Variants in TACC3 observed in about 807,000 individuals in gnomAD.
The protein encoded by TACC3 is transforming acidic coiled-coil-containing protein 3.
TACC3 carries 52 observed loss-of-function variants against 86.0 expected under a neutral mutation model. The observed-to-expected ratio is 0.60, with a 90% CI of 0.48 to 0.76. The LOEUF is 0.76. TACC3 is among the 30% of genes least tolerant of loss of function. The pLI, the probability that TACC3 is intolerant of heterozygous loss-of-function variation, is 0.00. For missense variants in TACC3, 1,120 were observed against 1,070.4 expected (o/e 1.05, Z -0.65); for synonymous variants, 512 against 430.0 (o/e 1.19, Z -2.36).
At chr4:1,733,528 G>C (rs531589402) in intron 6 of TACC3, among the ~76,000 whole-genome samples, 1 of 151,628 alleles carries the variant, frequency 6.6e-6, no homozygotes, top group African/African-American at 2.4e-5. Flanking sequence ...GCATGGTGGC[G>C]TACACCTATA....
intron 3 of TACC3, among the ~76,000 whole-genome samples, chr4:1,724,379 C>CTTTTTTTTTTTT (rs35896374): frequency 9.2e-6 from 1 of 108,384 alleles, no homozygotes; most frequent in Admixed American, 9.6e-5. Context: ...TCATACTTCA[C>CTTTTTTTTTTTT]TTTTTTTTTT....
At chr4:1,726,705 A>G (rs1665367) in intron 3 of TACC3, among the ~76,000 whole-genome samples, 4,408 of 152,312 alleles carry the variant, frequency 0.029, 96 homozygotes, top group South Asian at 0.064. Flanking sequence ...GAGGCCACAC[A>G]GAGGACTGGG....
At chr4:1,740,550 C>G (rs561129816) in intron 12 of TACC3, 64 of 395,240 alleles carry the variant, frequency 1.6e-4, no homozygotes, top group Admixed American at 3.9e-4. Flanking sequence ...CAGGCCTCAC[C>G]CTAGGCTCTA....
At chr4:1,744,664 G>C (rs1266799686) in intron 14 of TACC3, 40 bp downstream of exon 14, 3 of 1,612,176 alleles carry the variant, frequency 1.9e-6, no homozygotes, top group Admixed American at 1.7e-5. Context: ...GGGAGAATCT[G>C]AGCACCTGGG....
chr4:1,742,395 G>A (rs571192835), intron 13 of TACC3, among the ~76,000 whole-genome samples: 3 of 152,240 alleles, frequency 2.0e-5, no homozygotes, highest in Admixed American at 1.3e-4. Context: ...GGGCAGGCCT[G>A]TGCCTCAGCT....
chr4:1,720,920 G>T, upstream of TACC3: 2 of 1,247,442 alleles, frequency 1.6e-6, no homozygotes, highest in Non-Finnish European at 2.1e-6. This position sits in a 1 kb window ranked among gnomAD's most constrained non-coding sequence, Gnocchi z 4.4. Context: ...CGGACCTGTC[G>T]GTTGCGGCGG....
At chr4:1,742,102 T>C (rs1037471588) in intron 13 of TACC3, 1 of 151,924 alleles carries the variant, frequency 6.6e-6, no homozygotes, top group Admixed American at 6.6e-5. Context: ...ATCTCTAAAA[T>C]TAAAAAACAA....
chr4:1,739,947 C>T lies in TACC3; in HGVS notation c.2019-12C>T, dbSNP rs746375264. 2 of 1,612,844 alleles carry T rather than the reference C, an allele frequency of 1.2e-6. No homozygotes were observed. The highest frequency in any genetic ancestry group is 1.1e-5 in the South Asian group (1 of 91,078). On this transcript the variant is annotated splice_polypyrimidine_tract_variant and intron_variant, in intron 11 of 15. Transcript: ENST00000313288. ...CCGAGGCAATGGCTGTGTGTCTGTT[C>T]TCCTCCCACAGGAAGATCATGGACA...
At position 1,739,710 on chromosome 4, in the gene TACC3, G is replaced by T. The variant is rs141261775; in HGVS notation, c.1950G>T (p.Ala650=). ...SQKDLDAVVK[A]TQEENRELRS... The stretch of plus-strand genomic sequence containing the variant: ...GGGTGTGGCCTGAGCAGGTAAAGGC[G>T]ACACAGGAGGAGAACCGGGAGCTGA... Residue 650 remains alanine, a synonymous_variant, in exon 11 of 16, where the codon GCG becomes GCT. Coordinates refer to ENST00000313288, the MANE Select transcript of TACC3 (RefSeq NM_006342.3). The T allele has an allele frequency of 0.013, 19,787 of 1,580,454 alleles. 214 individuals carry two copies. The highest frequency in any genetic ancestry group is 0.047 in the Admixed American group (2,568 of 54,690).
chr4:1,721,508 C>T (rs1335909926), upstream of TACC3: 1 of 152,074 alleles, frequency 6.6e-6, no homozygotes, highest in Non-Finnish European at 1.5e-5. Flanking sequence ...AACTCCGGCG[C>T]GCCGGCGGCC....
chr4:1,735,122 G>C lies in TACC3; in HGVS notation c.1592-151G>C. On this transcript the variant is annotated intron_variant, in intron 6 of 15. Coordinates refer to ENST00000313288, the MANE Select transcript of TACC3 (RefSeq NM_006342.3). This position sits in a 1 kb window ranked among gnomAD's most constrained non-coding sequence, Gnocchi z 4.2. Reference sequence around the variant, plus strand: ...GCCCAGGAGGCGCCTGCCGCAGACAGCAGTCAGGCCCCGAACATCCACACC... The same window carrying C: ...GCCCAGGAGGCGCCTGCCGCAGACACCAGTCAGGCCCCGAACATCCACACC... 1 of 1,055,438 alleles carries C rather than the reference G, an allele frequency of 9.5e-7. No individual in the cohort carries two copies. Among genetic ancestry groups the C allele is most frequent in the Non-Finnish European group, 1.4e-6 (1 of 721,868 alleles). 65.4% of individuals were successfully genotyped at this position (1,055,438 alleles called of 1,614,324 possible). A position where few individuals can be genotyped will look rare whatever the true frequency, so the allele number is the denominator to read the frequency against.
intron 8 of TACC3, among the ~76,000 whole-genome samples, chr4:1,736,917 G>C (rs1044018741): frequency 1.4e-5 from 2 of 142,538 alleles, no homozygotes; most frequent in Admixed American, 7.0e-5. Flanking sequence ...CTCGGAAAAA[G>C]AAAAAAAAAA....
chr4:1,720,782 A>G, upstream of TACC3: 1 of 1,595,358 alleles, frequency 6.3e-7, no homozygotes, highest in Non-Finnish European at 8.5e-7. This position sits in a 1 kb window ranked among gnomAD's most constrained non-coding sequence, Gnocchi z 4.4. Flanking sequence ...CGTGAACACG[A>G]AGCACACGGC....
intron 12 of TACC3, chr4:1,740,287 G>T: frequency 1.8e-6 from 1 of 547,054 alleles, no homozygotes; most frequent in South Asian, 2.2e-5. Flanking sequence ...AGTCTGTCCC[G>T]CCGTGGCCTA....
chr4:1,721,379 G>T (rs993632197), upstream of TACC3: 4 of 10,642 alleles, frequency 3.8e-4, no homozygotes, highest in Admixed American at 7.4e-4. Flanking sequence ...AGCGGGGGGT[G>T]GGGGGGGAGG....
At position 1,728,583 on chromosome 4, in the gene TACC3, C is replaced by G. The variant is rs368957323; in HGVS notation, c.1181C>G (p.Pro394Arg). Residue 394 changes from proline (P) to arginine (R), a missense_variant, in exon 4 of 16, where the codon CCC becomes CGC. Coordinates refer to ENST00000313288, the MANE Select transcript of TACC3 (RefSeq NM_006342.3). Reference protein sequence around the residue: ...DDGRSGAGEDPPMPASRGSYH... With the variant: ...DDGRSGAGEDRPMPASRGSYH... The stretch of plus-strand genomic sequence containing the variant: ...GGTAGGAGCGGAGCAGGAGAGGACC[C>G]CCCCATGCCAGCTTCTCGGGGCTCT... 1 of 1,613,886 alleles carries G rather than the reference C, an allele frequency of 6.2e-7. No individual in the cohort carries two copies. Among genetic ancestry groups the G allele is most frequent in the Non-Finnish European group, 8.5e-7 (1 of 1,179,994 alleles).
chr4:1,735,820 C>T lies in TACC3; in HGVS notation c.1734C>T (p.Ala578=), dbSNP rs1326485227. Reference sequence around the variant, plus strand: ...GTCCTGGTAGACCAGTGCCCGTGGCCACCGAGACCAGCAGGTATGTGCGCC... The same window carrying T: ...GTCCTGGTAGACCAGTGCCCGTGGCTACCGAGACCAGCAGGTATGTGCGCC... ...RDSPGRPVPV[A]TETSSMHGAN... is the part of the protein sequence containing the mutation. The change falls in exon 8 of 16, where the codon GCC becomes GCT. Residue 578 remains alanine (A), a synonymous_variant. Transcript: ENST00000313288. This position sits in a 1 kb window ranked among gnomAD's most constrained non-coding sequence, Gnocchi z 4.2. 3 of 1,595,066 alleles carry T rather than the reference C, an allele frequency of 1.9e-6. No individual in the cohort carries two copies. The highest frequency in any genetic ancestry group is 2.6e-6 in the Non-Finnish European group (3 of 1,167,042).
chr4:1,740,019 C>G lies in TACC3; in HGVS notation c.2062+17C>G. ...AGGCCATGGGTGAGTGCCCGGGCCA[C>G]CGAGGCCACGTGCCTCCACGAGGGG... On this transcript the variant is annotated intron_variant, in intron 12 of 15. Transcript: ENST00000313288. 6.2e-7 allele frequency: 1 copy of G among 1,612,806 alleles called. No homozygotes were observed.
chr4:1,734,171 T>G (rs1718141906), intron 6 of TACC3, among the ~76,000 whole-genome samples: 2 of 152,144 alleles, frequency 1.3e-5, no homozygotes, highest in African/African-American at 4.8e-5. Context: ...ATCAAGACCC[T>G]GTCTTAAAGT....
Sources: allele counts gnomAD v4.1 joint callset (sites outside exome capture counted in the v4.1 genomes callset), GRCh38; gene constraint gnomAD v4.1.1; non-coding constraint Gnocchi (gnomAD v3.1); transcripts MANE v1.5; gene names NCBI Gene and HGNC (gene_info 2026-07-23, HGNC 2026-07-21).